PLEKHA7: variants seen among roughly 807,000 people sequenced by gnomAD.
PLEKHA7 encodes the protein pleckstrin homology domain containing A7.
A neutral mutation model predicts 170.0 loss-of-function variants in PLEKHA7; 104 were observed. The observed-to-expected ratio is 0.61, with a 90% CI of 0.52 to 0.72. The LOEUF is 0.72. PLEKHA7 is among the 30% of genes least tolerant of loss of function. PLEKHA7 has a pLI of 0.00. For synonymous variants in PLEKHA7, 648 were observed against 660.8 expected (o/e 0.98, Z 0.30); for missense variants, 1,615 against 1,671.7 (o/e 0.97, Z 0.59).
intron 3 of PLEKHA7, among the ~76,000 whole-genome samples, chr11:16,911,991 C>G (rs1346383005): frequency 6.6e-6 from 1 of 152,172 alleles, no homozygotes; most frequent in African/African-American, 2.4e-5. Flanking sequence ...GGCTTCCCAT[C>G]AAGCCAATCC....
chr11:16,992,244 T>C (rs1864089177), intron 3 of PLEKHA7, among the ~76,000 whole-genome samples: 1 of 152,184 alleles, frequency 6.6e-6, no homozygotes, highest in South Asian at 2.1e-4. Context: ...CCCTCGCCAC[T>C]GAAGGGCTGG....
At chr11:16,794,361 A>AGGACT in intron 19 of PLEKHA7, 127 bp downstream of exon 19, 1 of 877,802 alleles carries the variant, frequency 1.1e-6, no homozygotes, top group Non-Finnish European at 1.9e-6. Context: ...CTTGTGACTA[A>AGGACT]GGACTCCTTT....
intron 13 of PLEKHA7, 73 bp downstream of exon 13, chr11:16,813,040 G>T: frequency 1.4e-6 from 2 of 1,389,424 alleles, no homozygotes; most frequent in Non-Finnish European, 2.0e-6. Flanking sequence ...TTGGCTTTGG[G>T]CTTGGCTCCA....
At chr11:16,923,503 A>G (rs1859255377) in intron 3 of PLEKHA7, among the ~76,000 whole-genome samples, 1 of 151,892 alleles carries the variant, frequency 6.6e-6, no homozygotes, top group Non-Finnish European at 1.5e-5. Context: ...TCCTTCACTC[A>G]TTTTCTCCCT....
intron 3 of PLEKHA7, among the ~76,000 whole-genome samples, chr11:16,965,752 C>T (rs947061802): frequency 6.6e-6 from 1 of 152,188 alleles, no homozygotes; most frequent in African/African-American, 2.4e-5. Context: ...CTTTTGGCCT[C>T]GATCTTCCCA....
chr11:16,851,735 C>A (rs1293423042), intron 7 of PLEKHA7, among the ~76,000 whole-genome samples: 1 of 152,134 alleles, frequency 6.6e-6, no homozygotes, highest in Non-Finnish European at 1.5e-5. Flanking sequence ...AGGTGTGAGC[C>A]ACAGTGCCCA....
At chr11:16,921,110 G>T (rs542007803) in intron 3 of PLEKHA7, among the ~76,000 whole-genome samples, 8 of 152,234 alleles carry the variant, frequency 5.3e-5, no homozygotes, top group Admixed American at 3.9e-4. Flanking sequence ...TGTTGTTGTT[G>T]TTCCTTTTAC....
intron 15 of PLEKHA7, among the ~76,000 whole-genome samples, chr11:16,802,048 A>G (rs1176250596): frequency 6.6e-6 from 1 of 152,216 alleles, no homozygotes; most frequent in African/African-American, 2.4e-5. Flanking sequence ...TAAACTAGGG[A>G]TACAGCTGTC....
At chr11:16,860,903 T>C (rs1265840211) in intron 4 of PLEKHA7, among the ~76,000 whole-genome samples, 1 of 152,168 alleles carries the variant, frequency 6.6e-6, no homozygotes, top group South Asian at 2.1e-4. Flanking sequence ...GTGTCCAGTT[T>C]TGCAAATTAA....
intron 3 of PLEKHA7, among the ~76,000 whole-genome samples, chr11:16,991,766 G>A (rs989088449): frequency 1.3e-5 from 2 of 152,184 alleles, no homozygotes; most frequent in African/African-American, 4.8e-5. Flanking sequence ...TTCGAGCGGA[G>A]AGGTGCCATG....
intron 12 of PLEKHA7, among the ~76,000 whole-genome samples, chr11:16,814,096 G>C (rs1283133240): frequency 6.6e-6 from 1 of 152,160 alleles, no homozygotes; most frequent in Non-Finnish European, 1.5e-5. Context: ...GAAGAGTTGA[G>C]GCAGGGCTCT....
At chr11:16,956,584 C>T (rs77298485) in intron 3 of PLEKHA7, among the ~76,000 whole-genome samples, 2,644 of 152,296 alleles carry the variant, frequency 0.017, 92 homozygotes, top group African/African-American at 0.061. Context: ...GCTCACAATG[C>T]CACAGTAAGA....
chr11:16,866,299 A>T (rs1854385019), intron 4 of PLEKHA7, among the ~76,000 whole-genome samples: 1 of 152,070 alleles, frequency 6.6e-6, no homozygotes, highest in African/African-American at 2.4e-5. Context: ...CTCAGTAAAG[A>T]GGGCAGAGCA....
intron 3 of PLEKHA7, among the ~76,000 whole-genome samples, chr11:16,925,801 C>G (rs1222068793): frequency 3.3e-5 from 5 of 152,254 alleles, no homozygotes; most frequent in African/African-American, 7.2e-5. Flanking sequence ...CGGACCCCAG[C>G]GGTCCAGAGC....
At chr11:16,993,414 A>G (rs567176532) in intron 3 of PLEKHA7, among the ~76,000 whole-genome samples, 1 of 152,134 alleles carries the variant, frequency 6.6e-6, no homozygotes, top group East Asian at 1.9e-4. Context: ...GCTCTACTCA[A>G]CCAGAAACAA....
chr11:16,804,375 T>C (rs1848806851), intron 13 of PLEKHA7, among the ~76,000 whole-genome samples: 1 of 150,908 alleles, frequency 6.6e-6, no homozygotes, highest in Non-Finnish European at 1.5e-5. Flanking sequence ...TTTCTCCCCA[T>C]TCTATCTGTA....
At chr11:16,932,519 A>C (rs1482104305) in intron 3 of PLEKHA7, among the ~76,000 whole-genome samples, 1 of 152,120 alleles carries the variant, frequency 6.6e-6, no homozygotes, top group Non-Finnish European at 1.5e-5. Flanking sequence ...TCCTGGACTC[A>C]AGCAATCCTT....
At chr11:16,828,340 T>A (rs1269323670) in intron 9 of PLEKHA7, among the ~76,000 whole-genome samples, 1 of 152,222 alleles carries the variant, frequency 6.6e-6, no homozygotes, top group African/African-American at 2.4e-5. Flanking sequence ...GCACTTCTCC[T>A]TCCTGCCATC....
chr11:16,947,859 T>C (rs1055635611), intron 3 of PLEKHA7, among the ~76,000 whole-genome samples: 2 of 142,196 alleles, frequency 1.4e-5, no homozygotes, highest in Non-Finnish European at 3.0e-5. Context: ...GAGGCTGCAG[T>C]GAGCCGAGAT....
Sources: gnomAD v4.1 joint callset for allele counts (sites outside exome capture counted in the v4.1 genomes callset) on GRCh38, gnomAD v4.1.1 for gene constraint, MANE v1.5 for transcripts, NCBI Gene and HGNC (gene_info 2026-07-23, HGNC 2026-07-21) for gene names.